ALPK3: variants seen among roughly 807,000 people sequenced by gnomAD.
ALPK3 encodes alpha kinase 3.
A neutral mutation model predicts 140.0 loss-of-function variants in ALPK3; 102 were observed. The ratio of observed to expected loss-of-function variants is 0.73; its 90% CI spans 0.62 to 0.86. The LOEUF (loss-of-function observed/expected upper bound fraction) is 0.86, where lower values mean the gene tolerates loss of function less well. Ranked by LOEUF, ALPK3 falls within the 40% of genes least tolerant of loss-of-function variation. The pLI, the probability that ALPK3 is intolerant of heterozygous loss-of-function variation, is 0.00. For synonymous variants in ALPK3, 938 were observed against 898.5 expected (o/e 1.04, Z -0.79); for missense variants, 2,254 against 2,208.2 (o/e 1.02, Z -0.42).
At position 84,822,969 on chromosome 15, in the gene ALPK3, C is replaced by A. The variant is rs183044761; in HGVS notation, c.144-361C>A. 2.0e-5 allele frequency among the ~76,000 whole-genome samples: 3 copies of A among 152,374 alleles called. No individual in the cohort carries two copies. The East Asian group carries it at 5.8e-4, about 29-fold the overall frequency. On this transcript the variant is annotated intron_variant, in intron 1 of 13. Coordinates refer to ENST00000258888, the MANE Select transcript of ALPK3 (RefSeq NM_020778.5). ...AAGAATTGAAGCAGGAGCTTGCCCC[C>A]AGGCTGGTGTGCTGTGGGGTGGGGA...
chr15:84,859,310 G>A lies in ALPK3; in HGVS notation c.3885G>A (p.Trp1295Ter). Residue 1295 changes from tryptophan to a stop codon, truncating the protein, a stop_gained, in exon 7 of 14, where the codon TGG (tryptophan) becomes TGA (stop). Coordinates refer to ENST00000258888, the MANE Select transcript of ALPK3 (RefSeq NM_020778.5). LOFTEE classifies it high-confidence loss of function. ...ATGCCTCCGGTAGCCTGAAGCTGTG[G>A]TGCCAGTTTTTCAACATTCTTAGTG... ...FPDASGSLKL[W>*]CQFFNILSDS... 1 of 1,614,174 alleles carries A rather than the reference G, an allele frequency of 6.2e-7. No homozygotes were observed. Among genetic ancestry groups the A allele is most frequent in the Non-Finnish European group, 8.5e-7 (1 of 1,180,016 alleles).
In ALPK3 at chr15:84,862,729, C is replaced by T. The variant is rs773522765; in HGVS notation, c.4224C>T (p.Ser1408=). 13 of 1,613,988 alleles carry T rather than the reference C, an allele frequency of 8.1e-6. No individual in the cohort carries two copies. In the Admixed American group the frequency reaches 8.3e-5, roughly 10 times the overall value. The change falls in exon 10 of 14, where the codon AGC becomes AGT. Residue 1408 remains serine (S), a synonymous_variant. Transcript: ENST00000258888. The part of the protein sequence containing the change: ...WGDKLFGRLV[S]EELRGGGYGC... The stretch of plus-strand genomic sequence containing the variant: ...ACAAGCTCTTTGGGCGACTGGTAAG[C>T]GAGGAGCTCCGAGGGGGTGGATATG...
rs934462659 is a variant in ALPK3 at position 84,858,131 on chromosome 15, G to A, written c.3393G>A (p.Glu1131=). ...CCCCTGGACAGGGGCCCTCAGCAGA[G>A]AGCATAGCCCAGGAGCCCTCCCAAG... ...QAAPGQGPSA[E]SIAQEPSQEE... is the part of the protein sequence containing the mutation. Residue 1131 remains glutamate, a synonymous_variant, in exon 6 of 14, where the codon GAG becomes GAA. Transcript: ENST00000258888. 1 of 1,593,294 alleles carries A rather than the reference G, an allele frequency of 6.3e-7. No individual in the cohort carries two copies. The highest frequency in any genetic ancestry group is 1.1e-5 in the South Asian group (1 of 87,638).
chr15:84,848,075 T>A (rs306208), intron 5 of ALPK3, among the ~76,000 whole-genome samples: 34 of 140,116 alleles, frequency 2.4e-4, no homozygotes, highest in South Asian at 7.0e-4. Flanking sequence ...AAAAAAAAAA[T>A]AAAAAGAAAA....
chr15:84,839,064 A>G lies in ALPK3; in HGVS notation c.389A>G (p.His130Arg). The change falls in exon 4 of 14, where the codon CAT (histidine) becomes CGT (arginine). Residue 130 changes from histidine (H) to arginine (R), a missense_variant. Coordinates refer to ENST00000258888, the MANE Select transcript of ALPK3 (RefSeq NM_020778.5). ...YCGLPKYEIT[H>R]QGNRHTLQLY... ...GGCTTGCCAAAATATGAGATCACTCATCAGGGCAACCGCCACACACTGCAG... is the reference window on the plus strand; with the variant it reads ...GGCTTGCCAAAATATGAGATCACTCGTCAGGGCAACCGCCACACACTGCAG... 6.2e-7 allele frequency: 1 copy of G among 1,609,568 alleles called. No individual in the cohort carries two copies. Among genetic ancestry groups the G allele is most frequent in the Non-Finnish European group, 8.5e-7 (1 of 1,177,244 alleles).
intron 2 of ALPK3, among the ~76,000 whole-genome samples, chr15:84,824,267 A>G (rs1430580312): frequency 6.6e-6 from 1 of 152,206 alleles, no homozygotes; most frequent in African/African-American, 2.4e-5. Context: ...CTGCAGAGTC[A>G]GGGCAAGGTC....
intron 12 of ALPK3, among the ~76,000 whole-genome samples, 158 bp from the exon 13 acceptor site, chr15:84,867,159 C>T (rs1391947369): frequency 6.6e-6 from 1 of 151,666 alleles, no homozygotes; most frequent in East Asian, 2.0e-4. Flanking sequence ...TGCACTGACA[C>T]CCAGGAAGTT....
At chr15:84,827,683 G>A (rs1261884838) in intron 3 of ALPK3, 78 bp downstream of exon 3, 5 of 1,576,010 alleles carry the variant, frequency 3.2e-6, no homozygotes, top group Admixed American at 1.7e-5. Flanking sequence ...GGACAGGAAT[G>A]GTGGGGTGGC....
chr15:84,846,118 T>C (rs2141560807), intron 5 of ALPK3, among the ~76,000 whole-genome samples: 1 of 152,228 alleles, frequency 6.6e-6, no homozygotes, highest in Non-Finnish European at 1.5e-5. Context: ...TGGAAATGCT[T>C]GGAAAATGGA....
chr15:84,840,121 C>CT lies in ALPK3; in HGVS notation c.842_843insT (p.Glu283ArgfsTer16). Reference sequence around the variant, plus strand: ...GAAGTGACCACCAACGGGGAGGCTGCCCCCGAGAATGGAGAGGACGGAGAG... The same window carrying CT: ...GAAGTGACCACCAACGGGGAGGCTGCTCCCCGAGAATGGAGAGGACGGAGAG... On this transcript the variant is annotated frameshift_variant, in exon 5 of 14. Coordinates refer to ENST00000258888, the MANE Select transcript of ALPK3 (RefSeq NM_020778.5). LOFTEE classifies it high-confidence loss of function. 6.2e-7 allele frequency: 1 copy of CT among 1,614,056 alleles called. No homozygotes were observed. Among genetic ancestry groups the CT allele is most frequent in the Non-Finnish European group, 8.5e-7 (1 of 1,179,988 alleles).
rs773791354 is a variant in ALPK3, at chr15:84,856,781, G to C, written c.2043G>C (p.Gln681His). 14 of 1,613,930 alleles carry C rather than the reference G, an allele frequency of 8.7e-6. No individual in the cohort carries two copies. The highest frequency in any genetic ancestry group is 1.2e-5 in the Non-Finnish European group (14 of 1,180,036). ...CAACACAGGCAGGTGAGAAGATACA[G>C]GAAGACAGGAAGGCCCAGGCAGATA... ...LETTQAGEKI[Q>H]EDRKAQADKG... The change falls in exon 6 of 14, where the codon CAG (glutamine) becomes CAC (histidine). Residue 681 changes from glutamine to histidine, a missense_variant. Physicochemically the swap from Gln to His is conservative, Grantham distance 24 (BLOSUM62 0). This residue lies in a region of ALPK3 where 2,088 missense variants were observed against 2,022.9 expected (regional missense o/e 1.03). Coordinates refer to ENST00000258888, the MANE Select transcript of ALPK3 (RefSeq NM_020778.5).
chr15:84,831,257 C>T (rs1369542675), intron 3 of ALPK3, among the ~76,000 whole-genome samples: 1 of 152,086 alleles, frequency 6.6e-6, no homozygotes, highest in East Asian at 1.9e-4. Flanking sequence ...GTCTCTTCAC[C>T]CTGGAACATG....
chr15:84,850,956 G>A (rs1448671637), intron 5 of ALPK3, among the ~76,000 whole-genome samples: 5 of 151,312 alleles, frequency 3.3e-5, no homozygotes, highest in Non-Finnish European at 5.9e-5. Flanking sequence ...AGCCCTTGTA[G>A]AAGTGTACAG....
In ALPK3 at chr15:84,857,842, G is replaced by C; in HGVS notation, c.3104G>C (p.Cys1035Ser). 1 of 1,611,838 alleles carries C rather than the reference G, an allele frequency of 6.2e-7. No homozygotes were observed. The highest frequency in any genetic ancestry group is 8.5e-7 in the Non-Finnish European group (1 of 1,178,898). Residue 1035 changes from cysteine (C) to serine (S), a missense_variant, in exon 6 of 14, where the codon TGT becomes TCT. Transcript: ENST00000258888. ...QSAQTLLLSP[C>S]TSRRLTGLLD... is the part of the protein sequence containing the mutation. The stretch of plus-strand genomic sequence containing the variant: ...GCACAGACCCTGCTGCTGAGCCCCT[G>C]TACCTCCCGCCGCCTCACCGGCCTC...
At chr15:84,836,031 T>C (rs1395314210) in intron 3 of ALPK3, among the ~76,000 whole-genome samples, 2 of 152,224 alleles carry the variant, frequency 1.3e-5, no homozygotes, top group African/African-American at 4.8e-5. Flanking sequence ...CAATGTGTTC[T>C]ATGAAGAAAA....
At chr15:84,822,796 TTC>T (rs1260205830) in intron 1 of ALPK3, among the ~76,000 whole-genome samples, 3 of 152,210 alleles carry the variant, frequency 2.0e-5, no homozygotes, top group Non-Finnish European at 4.4e-5. Flanking sequence ...TGCCTTGTTT[TTC>T]TCTTTTTCAC....
chr15:84,821,877 C>T (rs965146772), intron 1 of ALPK3, among the ~76,000 whole-genome samples: 1 of 152,166 alleles, frequency 6.6e-6, no homozygotes, highest in Non-Finnish European at 1.5e-5. Context: ...GGAGGAAGGA[C>T]TTTCCAAACA....
At chr15:84,820,306 A>G (rs912153561) in intron 1 of ALPK3, among the ~76,000 whole-genome samples, 6 of 152,130 alleles carry the variant, frequency 3.9e-5, no homozygotes, top group Non-Finnish European at 7.3e-5. Flanking sequence ...GCTGTTCAGC[A>G]TGGGTCAGCC....
rs1596150214 is a variant in ALPK3, at chr15:84,840,839, C to G, written c.1560C>G (p.Ala520=). 7 of 1,614,228 alleles carry G rather than the reference C, an allele frequency of 4.3e-6. No homozygotes were observed. The highest frequency in any genetic ancestry group is 5.9e-6 in the Non-Finnish European group (7 of 1,180,026). Residue 520 remains alanine (A), a synonymous_variant, in exon 5 of 14, where the codon GCC becomes GCG. Coordinates refer to ENST00000258888, the MANE Select transcript of ALPK3 (RefSeq NM_020778.5). ...AQSLGKAPPQ[A]SVQVPTPPAR... ...GCTTAGGAAAGGCCCCACCTCAGGC[C>G]TCTGTGCAGGTGCCGACGCCCCCTG... is the stretch of plus-strand genomic sequence containing the variant.
Sources: allele counts gnomAD v4.1 joint callset (sites outside exome capture counted in the v4.1 genomes callset), GRCh38; gene constraint gnomAD v4.1.1; regional missense constraint gnomAD v4.1.1; transcripts MANE v1.5; gene names NCBI Gene and HGNC (gene_info 2026-07-23, HGNC 2026-07-21).